DSCAM: variants seen among roughly 807,000 people sequenced by gnomAD.
DSCAM encodes DS cell adhesion molecule, also known as cell adhesion molecule DSCAM.
In DSCAM, 47 loss-of-function variants were observed where a neutral mutation model predicts 217.7. That is an observed-to-expected ratio of 0.22 (90% CI 0.17 to 0.28). The LOEUF (loss-of-function observed/expected upper bound fraction) is 0.28. Ranked by LOEUF, DSCAM falls within the 10% of genes least tolerant of loss-of-function variation. The probability of loss-of-function intolerance (pLI) is 1.00; values close to 1 mark genes in which losing one functional copy is unlikely to be tolerated. For synonymous variants in DSCAM, 1,056 were observed against 1,015.3 expected, an observed-to-expected ratio of 1.04 and a Z score of -0.76; for missense variants, 2,080 against 2,618.3, an observed-to-expected ratio of 0.79 and a Z score of 4.49.
chr21:40,487,213 CCTCTCTCTATAACCTGTAACTCT>C (rs1247574419), intron 3 of DSCAM, among the ~76,000 whole-genome samples: 42 of 150,774 alleles, frequency 2.8e-4, no homozygotes, highest in Non-Finnish European at 5.8e-4. Flanking sequence ...GCACTTTCTC[CCTCTCTCTATAACCTGTAACTCT>C]CTCTCTCTCT....
At chr21:40,491,896 C>G (rs1440969070) in intron 3 of DSCAM, among the ~76,000 whole-genome samples, 1 of 152,172 alleles carries the variant, frequency 6.6e-6, no homozygotes, top group Non-Finnish European at 1.5e-5. Context: ...CTCCCAACCC[C>G]CCTTCCCGGG....
At chr21:40,301,104 A>G (rs1461309685) in intron 9 of DSCAM, among the ~76,000 whole-genome samples, 1 of 152,170 alleles carries the variant, frequency 6.6e-6, no homozygotes, top group East Asian at 1.9e-4. Context: ...CTCTACTTTC[A>G]AGGGAACCCA....
chr21:40,799,033 T>C (rs1008356321), intron 1 of DSCAM, among the ~76,000 whole-genome samples: 2 of 152,168 alleles, frequency 1.3e-5, no homozygotes, highest in African/African-American at 4.8e-5. Flanking sequence ...TATTACCCTA[T>C]AAAGACATTT....
intron 3 of DSCAM, among the ~76,000 whole-genome samples, chr21:40,574,938 C>T (rs1358233667): frequency 1.3e-5 from 2 of 152,122 alleles, no homozygotes; most frequent in Admixed American, 6.5e-5. Context: ...AACAATTATA[C>T]AATTTGATTT....
intron 1 of DSCAM, among the ~76,000 whole-genome samples, chr21:40,757,505 A>C (rs1393795358): frequency 1.3e-5 from 2 of 152,170 alleles, no homozygotes; most frequent in Non-Finnish European, 2.9e-5. Flanking sequence ...TGGCCATGCA[A>C]CTTGCTTTAG....
chr21:40,730,292 G>A lies in DSCAM; in HGVS notation c.44-21521C>T, dbSNP rs118120616. On this transcript the variant is annotated intron_variant, in intron 1 of 32. Coordinates refer to ENST00000400454, the MANE Select transcript of DSCAM (RefSeq NM_001389.5). ...TTTTTTCTGGAAGTTTGGGGTTGGGGTGAGTGGCTGGCTGTTGCAAATGAA... is the reference window on the plus strand; with the variant it reads ...TTTTTTCTGGAAGTTTGGGGTTGGGATGAGTGGCTGGCTGTTGCAAATGAA... Among the ~76,000 whole-genome samples the A allele has an allele frequency of 2.6e-5, 4 of 152,322 alleles. No individual in the cohort carries two copies. The East Asian group carries it at 7.7e-4, about 29-fold the overall frequency.
chr21:40,232,347 T>A (rs1325219353), intron 11 of DSCAM, among the ~76,000 whole-genome samples: 1 of 152,158 alleles, frequency 6.6e-6, no homozygotes, highest in Non-Finnish European at 1.5e-5. Flanking sequence ...AAGAGACAGA[T>A]AATAAATGTA....
At chr21:40,318,600 C>G (rs765419916) in intron 8 of DSCAM, among the ~76,000 whole-genome samples, 1 of 152,148 alleles carries the variant, frequency 6.6e-6, no homozygotes, top group Non-Finnish European at 1.5e-5. Context: ...TCCCTGAGAT[C>G]GGTGACTTCC....
At chr21:40,412,625 A>C (rs760813471) in intron 3 of DSCAM, among the ~76,000 whole-genome samples, 8 of 152,238 alleles carry the variant, frequency 5.3e-5, no homozygotes, top group Non-Finnish European at 7.3e-5. Flanking sequence ...AAAGCATTCA[A>C]GATGTGACTA....
chr21:40,256,979 A>G (rs1412618332), intron 11 of DSCAM, among the ~76,000 whole-genome samples: 1 of 152,184 alleles, frequency 6.6e-6, no homozygotes, highest in African/African-American at 2.4e-5. Flanking sequence ...AAGAAAAGCA[A>G]AGTCCTTTGG....
chr21:40,274,580 G>A (rs2073662273), intron 11 of DSCAM, among the ~76,000 whole-genome samples: 1 of 152,170 alleles, frequency 6.6e-6, no homozygotes, highest in Non-Finnish European at 1.5e-5. Context: ...ACCGACTCTG[G>A]TCAACATTGC....
chr21:40,214,745 A>AC (rs973389701), intron 11 of DSCAM, among the ~76,000 whole-genome samples: 1 of 151,460 alleles, frequency 6.6e-6, no homozygotes, highest in Non-Finnish European at 1.5e-5. Context: ...CAAAAAAAAA[A>AC]AAAAAAACAA....
intron 10 of DSCAM, among the ~76,000 whole-genome samples, chr21:40,291,633 C>T (rs2073893285): frequency 6.6e-6 from 1 of 152,236 alleles, no homozygotes; most frequent in African/African-American, 2.4e-5. Context: ...GGCCCCTCAC[C>T]TTCCGGTCTC....
intron 3 of DSCAM, among the ~76,000 whole-genome samples, chr21:40,540,542 A>C (rs529172687): frequency 1.3e-5 from 2 of 152,300 alleles, no homozygotes; most frequent in East Asian, 3.9e-4. Context: ...TAATTCTTCC[A>C]CATTGTAGGA....
At chr21:40,691,443 G>A (rs1324131049) in intron 3 of DSCAM, among the ~76,000 whole-genome samples, 1 of 152,052 alleles carries the variant, frequency 6.6e-6, no homozygotes, top group Admixed American at 6.5e-5. Context: ...TAAATTGGAG[G>A]GCCTCTCCCC....
chr21:40,491,335 CAG>C (rs1033959964), intron 3 of DSCAM, among the ~76,000 whole-genome samples: 2 of 151,970 alleles, frequency 1.3e-5, no homozygotes, highest in Non-Finnish European at 2.9e-5. Context: ...AAAATATGAC[CAG>C]AGAGTGATTG....
intron 2 of DSCAM, among the ~76,000 whole-genome samples, chr21:40,695,564 G>A (rs112921348): frequency 1.1e-4 from 17 of 152,116 alleles, no homozygotes; most frequent in African/African-American, 3.6e-4. Context: ...ACCCCAGCTC[G>A]CTCAAAGGGA....
At chr21:40,240,679 C>G (rs1470696069) in intron 11 of DSCAM, among the ~76,000 whole-genome samples, 2 of 152,176 alleles carry the variant, frequency 1.3e-5, no homozygotes, top group Non-Finnish European at 2.9e-5. Context: ...ATGCCCCCTC[C>G]TTTGTGCAGT....
chr21:40,272,256 C>A (rs1467943569), intron 11 of DSCAM, among the ~76,000 whole-genome samples: 1 of 152,098 alleles, frequency 6.6e-6, no homozygotes, highest in Non-Finnish European at 1.5e-5. Flanking sequence ...CCTTTTCTGC[C>A]AAGCCTCCTA....
Sources: allele counts gnomAD v4.1 joint callset (sites outside exome capture counted in the v4.1 genomes callset), GRCh38; gene constraint gnomAD v4.1.1; transcripts MANE v1.5; gene names NCBI Gene and HGNC (gene_info 2026-07-23, HGNC 2026-07-21).